Variants in CCDC3 observed in about 807,000 individuals in gnomAD.
The protein encoded by CCDC3 is coiled-coil domain-containing protein 3.
In CCDC3, 24 loss-of-function variants were observed where a neutral mutation model predicts 21.4. That is an observed-to-expected ratio of 1.12 (90% CI 0.81 to 1.58). The LOEUF is 1.58. Among genes scored for constraint, CCDC3 ranks in the 40% most tolerant of loss-of-function variants. The probability of loss-of-function intolerance (pLI) is 0.00; values close to 1 mark genes in which losing one functional copy is unlikely to be tolerated. For missense variants in CCDC3, 425 were observed against 360.9 expected (o/e 1.18, Z -1.44); for synonymous variants, 186 against 166.0 (o/e 1.12, Z -0.93).
In CCDC3 at chr10:12,986,700, G is replaced by C. The variant is rs184983479; in HGVS notation, c.549+11638C>G. ...GAGGCAGGAGAATGGCGTGACGCGG[G>C]AGGCGGAGCTTGCAGTGAGCCGAGA... On this transcript the variant is annotated intron_variant, in intron 2 of 2. Transcript: ENST00000378825. Among the ~76,000 whole-genome samples the C allele has an allele frequency of 9.4e-3, 1,428 of 151,694 alleles. 26 individuals carry two copies. The highest frequency in any genetic ancestry group is 0.031 in the African/African-American group (1,295 of 41,416).
At chr10:13,024,072 G>T (rs1388069261) in intron 5 of CCDC3, among the ~76,000 whole-genome samples, 1 of 152,072 alleles carries the variant, frequency 6.6e-6, no homozygotes, top group Non-Finnish European at 1.5e-5. Context: ...TCTTACCTCT[G>T]CCCTCTGTGC....
At chr10:12,983,668 C>CAAAAAAAAAAAAAAAGGGGA (rs34200519) in intron 2 of CCDC3, among the ~76,000 whole-genome samples, 1 of 134,924 alleles carries the variant, frequency 7.4e-6, no homozygotes. Context: ...AAAGAAGTGG[C>CAAAAAAAAAAAAAAAGGGGA]AAAAAAAAAA....
intron 2 of CCDC3, among the ~76,000 whole-genome samples, chr10:12,943,784 C>T (rs1037328316): frequency 6.6e-6 from 1 of 152,116 alleles, no homozygotes; most frequent in Non-Finnish European, 1.5e-5. Flanking sequence ...GATGAGACGA[C>T]CCACTTGGAA....
At chr10:13,062,609 C>A (rs901674032) in intron 4 of CCDC3, among the ~76,000 whole-genome samples, 6 of 152,172 alleles carry the variant, frequency 3.9e-5, no homozygotes, top group Non-Finnish European at 8.8e-5. Context: ...TCCAAGCTAT[C>A]CTTGTTCGTT....
At chr10:13,059,157 T>C (rs1836720562) in intron 4 of CCDC3, among the ~76,000 whole-genome samples, 1 of 152,178 alleles carries the variant, frequency 6.6e-6, no homozygotes, top group East Asian at 1.9e-4. Flanking sequence ...GATGCTAAAA[T>C]TTAGATATGC....
chr10:13,000,389 A>C (rs1000857964), intron 1 of CCDC3, among the ~76,000 whole-genome samples: 3 of 152,160 alleles, frequency 2.0e-5, no homozygotes, highest in Non-Finnish European at 4.4e-5. Context: ...GATGCATTCC[A>C]TCTTGACCAC....
chr10:12,980,629 A>G (rs1209626068), intron 2 of CCDC3, among the ~76,000 whole-genome samples: 1 of 152,054 alleles, frequency 6.6e-6, no homozygotes, highest in African/African-American at 2.4e-5. Context: ...CCTCCCGGAG[A>G]GCTCAGATAA....
intron 3 of CCDC3, among the ~76,000 whole-genome samples, chr10:13,091,108 C>T (rs55819407): frequency 0.31 from 46,940 of 152,006 alleles, 7,415 homozygotes; most frequent in African/African-American, 0.38. Flanking sequence ...CCTTCTTCTG[C>T]CTGCTTTTTC....
At chr10:12,919,587 A>T (rs933040222) in intron 2 of CCDC3, among the ~76,000 whole-genome samples, 1 of 634 alleles carries the variant, frequency 1.6e-3, no homozygotes, top group African/African-American at 2.4e-3. Flanking sequence ...AAGACTGTCT[A>T]AAAAAAAAAA....
chr10:12,968,228 G>A (rs1389559182), intron 2 of CCDC3, among the ~76,000 whole-genome samples: 1 of 103,550 alleles, frequency 9.7e-6, no homozygotes, highest in Non-Finnish European at 2.3e-5. Context: ...CACACACAGA[G>A]TATCCTAAAA....
chr10:13,087,730 A>G (rs1837129170), intron 3 of CCDC3, among the ~76,000 whole-genome samples: 2 of 152,224 alleles, frequency 1.3e-5, no homozygotes, highest in East Asian at 1.9e-4. Context: ...ATCTAAGGTC[A>G]GTGGAGAAAC....
At chr10:12,939,575 G>C (rs1010689379) in intron 2 of CCDC3, among the ~76,000 whole-genome samples, 2 of 152,228 alleles carry the variant, frequency 1.3e-5, no homozygotes, top group African/African-American at 4.8e-5. Flanking sequence ...AGAGCCAGAT[G>C]CTGTCTCAAG....
intron 2 of CCDC3, among the ~76,000 whole-genome samples, chr10:12,937,225 G>T (rs763893524): frequency 7.1e-4 from 107 of 151,668 alleles, no homozygotes; most frequent in Non-Finnish European, 1.5e-3. Context: ...CGGGTAAGTT[G>T]TGACCCTGTA....
chr10:13,030,648 T>C (rs1836287679), intron 5 of CCDC3, among the ~76,000 whole-genome samples: 1 of 151,534 alleles, frequency 6.6e-6, no homozygotes, highest in African/African-American at 2.4e-5. Context: ...TGGAGGAAGA[T>C]CTACCAAGCA....
At position 12,898,288 on chromosome 10, in the gene CCDC3, G is replaced by C; in HGVS notation, c.*128C>G. On this transcript the variant is annotated 3_prime_UTR_variant, in exon 3 of 3. Coordinates refer to ENST00000378825, the MANE Select transcript of CCDC3 (RefSeq NM_031455.4). ...GCAAGCCTTGCATTTTATCCATTTA[G>C]ACTCTACCAAATGCGTGATTAAAAA... The C allele has an allele frequency of 2.9e-6, 3 of 1,044,678 alleles. No individual in the cohort carries two copies. The allele number at this position is 1,044,678 out of a possible 1,614,324, so 64.7% of individuals were successfully genotyped here.
intron 2 of CCDC3, among the ~76,000 whole-genome samples, chr10:12,950,481 T>C (rs1646481164): frequency 6.6e-6 from 1 of 152,120 alleles, no homozygotes; most frequent in African/African-American, 2.4e-5. Context: ...CACCACCCCA[T>C]CAGATTCTAG....
chr10:12,992,881 G>T (rs567726706), intron 2 of CCDC3, among the ~76,000 whole-genome samples: 1 of 152,344 alleles, frequency 6.6e-6, no homozygotes, highest in South Asian at 2.1e-4. Flanking sequence ...GATTTGTGGG[G>T]ACTGGGTGGA....
intron 2 of CCDC3, among the ~76,000 whole-genome samples, chr10:12,938,825 C>T (rs1834777527): frequency 6.6e-6 from 1 of 152,206 alleles, no homozygotes; most frequent in Non-Finnish European, 1.5e-5. Flanking sequence ...TCCAGCCACA[C>T]TGTCTCCTAT....
intron 2 of CCDC3, among the ~76,000 whole-genome samples, chr10:12,927,667 G>C (rs538064550): frequency 2.6e-5 from 4 of 152,084 alleles, no homozygotes; most frequent in African/African-American, 9.7e-5. Flanking sequence ...TAATGTAGAC[G>C]CTTAGGAGTG....
Sources: allele counts gnomAD v4.1 joint callset (sites outside exome capture counted in the v4.1 genomes callset), GRCh38; gene constraint gnomAD v4.1.1; transcripts MANE v1.5; gene names NCBI Gene and HGNC (gene_info 2026-07-23, HGNC 2026-07-21).